The following ADAM12 variants were observed in gnomAD, a reference collection of about 807,000 sequenced individuals.
ADAM12 encodes the protein ADAM metallopeptidase domain 12.
A neutral mutation model predicts 106.4 loss-of-function variants in ADAM12; 70 were observed. The ratio of observed to expected loss-of-function variants is 0.66; its 90% CI spans 0.54 to 0.80. ADAM12 has a LOEUF of 0.80. Ranked by LOEUF, ADAM12 falls within the 30% of genes least tolerant of loss-of-function variation. The pLI is 0.00. For synonymous variants in ADAM12, 420 were observed against 433.5 expected (o/e 0.97, Z 0.39); for missense variants, 1,010 against 1,171.9 (o/e 0.86, Z 2.02).
intron 1 of ADAM12, among the ~76,000 whole-genome samples, chr10:126,344,716 T>C (rs1855068382): frequency 6.6e-6 from 1 of 152,384 alleles, no homozygotes; most frequent in East Asian, 1.9e-4. Context: ...TGGTTTGTTG[T>C]TCTCCTTGAA....
intron 3 of ADAM12, among the ~76,000 whole-genome samples, chr10:126,275,682 T>C (rs1959223288): frequency 6.6e-6 from 1 of 152,208 alleles, no homozygotes; most frequent in South Asian, 2.1e-4. Context: ...TTTTGCTCTT[T>C]AAAAGTCACC....
At chr10:126,164,397 G>A (rs1230860964) in intron 3 of ADAM12, among the ~76,000 whole-genome samples, 1 of 152,148 alleles carries the variant, frequency 6.6e-6, no homozygotes, top group East Asian at 1.9e-4. Flanking sequence ...TTCGAACAAA[G>A]CATCCAACCG....
chr10:126,055,733 T>C (rs1223945315), intron 14 of ADAM12, among the ~76,000 whole-genome samples: 1 of 152,204 alleles, frequency 6.6e-6, no homozygotes, highest in Non-Finnish European at 1.5e-5. Context: ...CACCAACATA[T>C]TCTCCTGTAA....
chr10:126,236,727 TACTCACAGGAAGGAGC>T (rs1396195142), intron 3 of ADAM12, among the ~76,000 whole-genome samples: 2 of 138,720 alleles, frequency 1.4e-5, no homozygotes. Flanking sequence ...CAGGAAGGAG[TACTCACAGGAAGGAGC>T]ACCTACAGGA....
rs74371365 is a variant in ADAM12, at chr10:126,286,636, C to T, written c.187-7648G>A. Among the ~76,000 whole-genome samples the T allele has an allele frequency of 2.3e-3, 356 of 152,264 alleles. 3 individuals are homozygous for T. The highest frequency in any genetic ancestry group is 8.0e-3 in the African/African-American group (334 of 41,544). On this transcript the variant is annotated intron_variant, in intron 2 of 22. Coordinates refer to ENST00000448723, the MANE Select transcript of ADAM12 (RefSeq NM_001288973.2). ...CTTTAATATCAGTGTGCTACTTCCA[C>T]AGCCTGGAAGATATGCGCACTGTGG...
chr10:126,349,645 G>C (rs1449412052), intron 1 of ADAM12, among the ~76,000 whole-genome samples: 1 of 152,132 alleles, frequency 6.6e-6, no homozygotes, highest in Non-Finnish European at 1.5e-5. Context: ...TATACAAAGA[G>C]GAAACTTCCC....
intron 12 of ADAM12, chr10:126,070,595 T>C (rs555879456): frequency 6.6e-6 from 1 of 152,330 alleles, no homozygotes; most frequent in Admixed American, 6.5e-5. Context: ...TTGGAGATGC[T>C]CTTCCTAAGC....
At chr10:126,145,316 A>G (rs1034081898) in intron 4 of ADAM12, among the ~76,000 whole-genome samples, 2 of 152,102 alleles carry the variant, frequency 1.3e-5, no homozygotes, top group Non-Finnish European at 1.5e-5. Flanking sequence ...CTCTCCCCCA[A>G]GAGCATTCTC....
intron 1 of ADAM12, among the ~76,000 whole-genome samples, chr10:126,372,828 G>A (rs1317201951): frequency 6.6e-6 from 1 of 152,132 alleles, no homozygotes. Context: ...GGAGAAAGAA[G>A]GATGATAATC....
At chr10:126,086,671 AAAAAAAAAAAT>A (rs1418173165) in intron 11 of ADAM12, among the ~76,000 whole-genome samples, 12 of 61,452 alleles carry the variant, frequency 2.0e-4, no homozygotes, top group African/African-American at 1.3e-3. Flanking sequence ...AAAAAAAAAA[AAAAAAAAAAAT>A]ATATATATAT....
intron 14 of ADAM12, among the ~76,000 whole-genome samples, chr10:126,057,989 T>C (rs1334774594): frequency 1.3e-5 from 2 of 152,202 alleles, no homozygotes; most frequent in Non-Finnish European, 2.9e-5. Flanking sequence ...ACAGGTTATA[T>C]GATCGGGTCA....
chr10:126,013,897 C>G lies in ADAM12; in HGVS notation c.*3382G>C, dbSNP rs1016299589. On this transcript the variant is annotated 3_prime_UTR_variant, in exon 23 of 23. Coordinates refer to ENST00000448723, the MANE Select transcript of ADAM12 (RefSeq NM_001288973.2). This position sits in a 1 kb window ranked among gnomAD's most constrained non-coding sequence, Gnocchi z 4.3. ...AACTCCTAGCCTGAGAGCCCCACCTCTGGTCAGCACTAGTGTTGGGAGACT... is the reference window on the plus strand; with the variant it reads ...AACTCCTAGCCTGAGAGCCCCACCTGTGGTCAGCACTAGTGTTGGGAGACT... 5.9e-5 allele frequency: 9 copies of G among 152,450 alleles called. No homozygotes were observed. Among genetic ancestry groups the G allele is most frequent in the African/African-American group, 1.9e-4 (8 of 41,466 alleles). The allele number at this position is 152,450 out of a possible 1,614,324, so 9.4% of individuals were successfully genotyped here. A position where few individuals can be genotyped will look rare whatever the true frequency, so the allele number is the denominator to read the frequency against.
chr10:126,300,727 A>G (rs1357066547), intron 2 of ADAM12, among the ~76,000 whole-genome samples: 1 of 152,150 alleles, frequency 6.6e-6, no homozygotes, highest in Non-Finnish European at 1.5e-5. Flanking sequence ...CTACTGGAGA[A>G]TAAAATCCTG....
intron 4 of ADAM12, among the ~76,000 whole-genome samples, chr10:126,154,775 A>G (rs555730579): frequency 1.7e-4 from 26 of 152,342 alleles, no homozygotes; most frequent in African/African-American, 6.3e-4. Flanking sequence ...TGTTACAGTA[A>G]CACCCACGAT....
At chr10:126,380,435 T>TA (rs1856450511) in intron 1 of ADAM12, among the ~76,000 whole-genome samples, 1 of 152,214 alleles carries the variant, frequency 6.6e-6, no homozygotes, top group Non-Finnish European at 1.5e-5. Context: ...TGAGGTAGAC[T>TA]AGATTGCCTT....
intron 3 of ADAM12, among the ~76,000 whole-genome samples, chr10:126,260,699 C>G (rs1268229422): frequency 6.6e-6 from 1 of 152,080 alleles, no homozygotes; most frequent in Admixed American, 6.6e-5. Context: ...GAAACATTGC[C>G]ACTGAAAACC....
chr10:126,144,917 C>T (rs184749847), intron 4 of ADAM12, among the ~76,000 whole-genome samples: 108 of 152,274 alleles, frequency 7.1e-4, no homozygotes, highest in South Asian at 3.7e-3. Context: ...AGCTGGGATT[C>T]GAACCTGGGT....
chr10:126,303,670 T>C (rs557255767), intron 2 of ADAM12, among the ~76,000 whole-genome samples: 3 of 152,326 alleles, frequency 2.0e-5, no homozygotes, highest in African/African-American at 4.8e-5. Flanking sequence ...ATAAGCAATA[T>C]GTTTGAATCC....
chr10:126,066,820 T>C lies in ADAM12; in HGVS notation c.1324-14A>G, dbSNP rs376708195. On this transcript the variant is annotated splice_polypyrimidine_tract_variant and intron_variant, in intron 12 of 22. Coordinates refer to ENST00000448723, the MANE Select transcript of ADAM12 (RefSeq NM_001288973.2). The surrounding 1 kb of genome is among the most constrained non-coding windows in gnomAD (Gnocchi z 5.1). Reference sequence around the variant, plus strand: ...ATTCATACATTCCTGGAAAGGGGAATGGCATTTGTTTGACAGGGTCTTATG... The same window carrying C: ...ATTCATACATTCCTGGAAAGGGGAACGGCATTTGTTTGACAGGGTCTTATG... 372 of 1,610,760 alleles carry C rather than the reference T, an allele frequency of 2.3e-4. No homozygotes were observed. Among genetic ancestry groups the C allele is most frequent in the Non-Finnish European group, 3.1e-4 (361 of 1,177,092 alleles).
Sources: gnomAD v4.1 joint callset for allele counts (sites outside exome capture counted in the v4.1 genomes callset) on GRCh38, gnomAD v4.1.1 for gene constraint, Gnocchi (gnomAD v3.1) non-coding constraint, MANE v1.5 for transcripts, NCBI Gene and HGNC (gene_info 2026-07-23, HGNC 2026-07-21) for gene names.